EPHA6: variants seen among roughly 807,000 people sequenced by gnomAD.
EPHA6 encodes the protein EPH receptor A6.
Under a neutral mutation model 112.0 loss-of-function variants are expected in EPHA6, and 50 were observed. The ratio of observed to expected loss-of-function variants is 0.45; its 90% CI spans 0.36 to 0.56. EPHA6 has a LOEUF of 0.56. Among genes scored for constraint, EPHA6 ranks in the 20% least tolerant of loss-of-function variants. The pLI is 0.00. For synonymous variants in EPHA6, 529 were observed against 490.7 expected (o/e 1.08, Z -1.03); for missense variants, 1,280 against 1,417.4 (o/e 0.90, Z 1.56).
chr3:97,391,307 A>G (rs1455626135), intron 5 of EPHA6, among the ~76,000 whole-genome samples: 1 of 151,980 alleles, frequency 6.6e-6, no homozygotes, highest in Non-Finnish European at 1.5e-5. Flanking sequence ...AATATAAAAG[A>G]TAGTCAAATG....
chr3:97,542,110 A>G (rs1419734317), intron 11 of EPHA6, among the ~76,000 whole-genome samples: 2 of 148,158 alleles, frequency 1.3e-5, no homozygotes, highest in South Asian at 4.3e-4. Context: ...TTTTTTTTAT[A>G]CTTTACGTTT....
intron 5 of EPHA6, among the ~76,000 whole-genome samples, chr3:97,328,822 T>G (rs868848580): frequency 1.4e-4 from 21 of 152,106 alleles, no homozygotes; most frequent in Non-Finnish European, 2.4e-4. Context: ...TTTTTATTAT[T>G]ATTATTATTG....
intron 2 of EPHA6, among the ~76,000 whole-genome samples, chr3:96,944,097 C>T (rs146891337): frequency 1.3e-5 from 2 of 152,214 alleles, no homozygotes; most frequent in Admixed American, 6.5e-5. Flanking sequence ...AGTTAACTCT[C>T]CATGAAAGAA....
At chr3:96,848,617 T>C (rs1014600540) in intron 1 of EPHA6, among the ~76,000 whole-genome samples, 2 of 151,482 alleles carry the variant, frequency 1.3e-5, no homozygotes, top group Non-Finnish European at 3.0e-5. Context: ...AGAGTGAGAC[T>C]CCGTCTATTT....
At chr3:96,832,388 T>C (rs910245335) in intron 1 of EPHA6, among the ~76,000 whole-genome samples, 9 of 152,180 alleles carry the variant, frequency 5.9e-5, no homozygotes, top group Admixed American at 5.9e-4. Context: ...TAGAATAGCA[T>C]ATATTTTCTT....
At chr3:97,212,948 G>A (rs1245822802) in intron 3 of EPHA6, among the ~76,000 whole-genome samples, 1 of 152,118 alleles carries the variant, frequency 6.6e-6, no homozygotes, top group African/African-American at 2.4e-5. Flanking sequence ...TGATTTCTAT[G>A]TTGATGTCCT....
intron 5 of EPHA6, among the ~76,000 whole-genome samples, chr3:97,328,339 T>G (rs1203792018): frequency 6.6e-6 from 1 of 151,902 alleles, no homozygotes; most frequent in African/African-American, 2.4e-5. Context: ...TGTGATTCAG[T>G]TTTGCTGCAT....
intron 3 of EPHA6, among the ~76,000 whole-genome samples, chr3:97,092,009 G>C (rs1576471665): frequency 1.3e-5 from 2 of 151,126 alleles, no homozygotes; most frequent in Admixed American, 1.3e-4. Context: ...GAACCACTGT[G>C]ATAGGGAACT....
At chr3:97,228,911 TTC>T (rs1000373404) in intron 4 of EPHA6, among the ~76,000 whole-genome samples, 5 of 151,960 alleles carry the variant, frequency 3.3e-5, no homozygotes, top group South Asian at 2.1e-4. Context: ...ATTATGGCCA[TTC>T]TTGCAGGAGT....
At chr3:97,547,501 A>AC (rs2092969727) in intron 11 of EPHA6, among the ~76,000 whole-genome samples, 1 of 152,076 alleles carries the variant, frequency 6.6e-6, no homozygotes, top group Non-Finnish European at 1.5e-5. Flanking sequence ...CAGTTAGGCT[A>AC]CTTGGGGGTC....
chr3:96,867,757 G>A (rs2036401323), intron 2 of EPHA6, among the ~76,000 whole-genome samples: 1 of 151,744 alleles, frequency 6.6e-6, no homozygotes, highest in East Asian at 1.9e-4. Context: ...AAACCTCAAA[G>A]GAGAAATTGA....
intron 4 of EPHA6, among the ~76,000 whole-genome samples, chr3:97,228,090 T>TTTTAAGG (rs2108548084): frequency 6.6e-6 from 1 of 152,118 alleles, no homozygotes; most frequent in African/African-American, 2.4e-5. Flanking sequence ...GGGATCCCAG[T>TTTTAAGG]TTTAAGGTTT....
At chr3:97,483,570 T>C (rs1235940867) in intron 9 of EPHA6, among the ~76,000 whole-genome samples, 1 of 152,162 alleles carries the variant, frequency 6.6e-6, no homozygotes, top group Non-Finnish European at 1.5e-5. Flanking sequence ...GCTTCCTTGC[T>C]TTGGAGGGAG....
chr3:97,001,267 G>T (rs538915604), intron 3 of EPHA6, among the ~76,000 whole-genome samples: 2 of 151,806 alleles, frequency 1.3e-5, no homozygotes, highest in Non-Finnish European at 3.0e-5. Context: ...ATTATTTGAA[G>T]AATAATGTAT....
intron 2 of EPHA6, among the ~76,000 whole-genome samples, chr3:96,872,438 A>T (rs779634474): frequency 6.6e-6 from 1 of 152,056 alleles, no homozygotes; most frequent in Non-Finnish European, 1.5e-5. Flanking sequence ...TGCTTTATGT[A>T]GATTTAAATT....
At chr3:96,914,057 A>C (rs928170268) in intron 2 of EPHA6, among the ~76,000 whole-genome samples, 1 of 152,144 alleles carries the variant, frequency 6.6e-6, no homozygotes, top group African/African-American at 2.4e-5. Context: ...TTACAACTTA[A>C]AAATATTTTT....
chr3:97,564,158 A>C (rs1006912747), intron 11 of EPHA6, among the ~76,000 whole-genome samples: 2 of 152,152 alleles, frequency 1.3e-5, no homozygotes, highest in Non-Finnish European at 2.9e-5. Context: ...TCAGTAACTT[A>C]ATAGGGAGTC....
At chr3:97,642,963 A>G (rs548903694) in intron 14 of EPHA6, among the ~76,000 whole-genome samples, 36 of 150,498 alleles carry the variant, frequency 2.4e-4, no homozygotes, top group African/African-American at 7.8e-4. Context: ...ACTCCTCGAG[A>G]AGAGCAACCC....
At chr3:97,213,867 A>G (rs1029002275) in intron 3 of EPHA6, among the ~76,000 whole-genome samples, 5 of 152,144 alleles carry the variant, frequency 3.3e-5, no homozygotes, top group Admixed American at 6.5e-5. Context: ...ATATTTATGT[A>G]GGTCTAATGG....
Sources: gnomAD v4.1 joint callset for allele counts (sites outside exome capture counted in the v4.1 genomes callset) on GRCh38, gnomAD v4.1.1 for gene constraint, MANE v1.5 for transcripts, NCBI Gene and HGNC (gene_info 2026-07-23, HGNC 2026-07-21) for gene names.